ZNF804A: variants seen among roughly 807,000 people sequenced by gnomAD.
The protein encoded by ZNF804A is zinc finger protein 804A.
In ZNF804A, 2 loss-of-function variants were observed where a neutral mutation model predicts 16.5. That is an observed-to-expected ratio of 0.12 (90% CI 0.05 to 0.38). ZNF804A has a LOEUF of 0.38. ZNF804A is among the 10% of genes least tolerant of loss of function. The pLI is 0.99. For missense variants in ZNF804A, 1,473 were observed against 1,390.7 expected, an observed-to-expected ratio of 1.06 and a Z score of -0.94; for synonymous variants, 534 against 489.6, an observed-to-expected ratio of 1.09 and a Z score of -1.20.
intron 1 of ZNF804A, among the ~76,000 whole-genome samples, chr2:184,643,498 A>G (rs1410873448): frequency 6.6e-6 from 1 of 151,972 alleles, no homozygotes; most frequent in Admixed American, 6.6e-5. Context: ...TCTTATTCTT[A>G]CAGTATACCT....
At chr2:184,667,652 C>G (rs1352008741) in intron 1 of ZNF804A, among the ~76,000 whole-genome samples, 1 of 151,690 alleles carries the variant, frequency 6.6e-6, no homozygotes, top group African/African-American at 2.4e-5. Flanking sequence ...GAGTTAACAT[C>G]AAAAATGTAT....
At chr2:184,619,654 C>T (rs562420492) in intron 1 of ZNF804A, among the ~76,000 whole-genome samples, 1 of 151,854 alleles carries the variant, frequency 6.6e-6, no homozygotes, top group African/African-American at 2.4e-5. Context: ...GTTATTACCT[C>T]CATTTTATGG....
chr2:184,867,432 G>A (rs1695892355), intron 2 of ZNF804A, among the ~76,000 whole-genome samples: 1 of 152,028 alleles, frequency 6.6e-6, no homozygotes, highest in Non-Finnish European at 1.5e-5. Flanking sequence ...GAAAAAGTAG[G>A]GAAAGTGATC....
chr2:184,761,994 A>G (rs1694042437), intron 1 of ZNF804A, among the ~76,000 whole-genome samples: 1 of 152,078 alleles, frequency 6.6e-6, no homozygotes, highest in Non-Finnish European at 1.5e-5. Context: ...CATATTCTGT[A>G]GTTTATTACT....
At chr2:184,721,331 T>G (rs899418648) in intron 1 of ZNF804A, among the ~76,000 whole-genome samples, 1 of 152,090 alleles carries the variant, frequency 6.6e-6, no homozygotes, top group East Asian at 1.9e-4. Flanking sequence ...GGGAAAAATA[T>G]GTGCAAACTA....
chr2:184,692,995 T>C (rs544894192), intron 1 of ZNF804A, among the ~76,000 whole-genome samples: 9 of 152,250 alleles, frequency 5.9e-5, no homozygotes, highest in Non-Finnish European at 1.3e-4. Context: ...TAGTAAAATA[T>C]TTTATCCAGT....
chr2:184,871,853 G>T (rs1019206391), intron 2 of ZNF804A, among the ~76,000 whole-genome samples: 1 of 151,938 alleles, frequency 6.6e-6, no homozygotes, highest in South Asian at 2.1e-4. Context: ...TCTTTATCAA[G>T]AATTACTCAG....
intron 1 of ZNF804A, among the ~76,000 whole-genome samples, chr2:184,700,632 A>C (rs557471485): frequency 1.3e-5 from 2 of 152,220 alleles, no homozygotes; most frequent in South Asian, 4.1e-4. Context: ...TGACAAAGAC[A>C]AACTAAAGAC....
chr2:184,881,370 T>C (rs963183127), intron 2 of ZNF804A, among the ~76,000 whole-genome samples: 3 of 147,730 alleles, frequency 2.0e-5, no homozygotes, highest in African/African-American at 7.3e-5. Flanking sequence ...ATGAAAATTT[T>C]CCCAAACTTA....
At chr2:184,679,867 A>G (rs1692508533) in intron 1 of ZNF804A, among the ~76,000 whole-genome samples, 2 of 152,148 alleles carry the variant, frequency 1.3e-5, no homozygotes, top group Admixed American at 1.3e-4. Context: ...CAGGGAGCAG[A>G]TGGGCTCCTG....
chr2:184,788,269 A>T (rs1443498551), intron 1 of ZNF804A, among the ~76,000 whole-genome samples: 1 of 151,942 alleles, frequency 6.6e-6, no homozygotes, highest in African/African-American at 2.4e-5. Context: ...AAGTTAAACA[A>T]TGTGATACCT....
intron 2 of ZNF804A, among the ~76,000 whole-genome samples, chr2:184,878,794 G>A (rs574733765): frequency 1.3e-5 from 2 of 151,872 alleles, no homozygotes; most frequent in East Asian, 3.9e-4. Context: ...TTACCAATGA[G>A]CCCTATTATT....
chr2:184,836,105 T>C (rs1190626474), intron 1 of ZNF804A, among the ~76,000 whole-genome samples: 2 of 152,154 alleles, frequency 1.3e-5, no homozygotes, highest in Non-Finnish European at 2.9e-5. Context: ...TTAATAATAC[T>C]TACTGGATTG....
chr2:184,608,007 G>A (rs1163377169), intron 1 of ZNF804A, among the ~76,000 whole-genome samples: 2 of 140,176 alleles, frequency 1.4e-5, no homozygotes, highest in Non-Finnish European at 3.0e-5. Flanking sequence ...GTGCAGTGGC[G>A]GGATCTCGGC....
In ZNF804A at chr2:184,660,731, G is replaced by T. The variant is rs187458836; in HGVS notation, c.111+61661G>T. ...AAATCTGGAATATGAAGGAGGAATT[G>T]CTACACTTGGGATATCTAGAGAAAA... On this transcript the variant is annotated intron_variant, in intron 1 of 3. Coordinates refer to ENST00000302277, the MANE Select transcript of ZNF804A (RefSeq NM_194250.2). Among the ~76,000 whole-genome samples the T allele has an allele frequency of 3.9e-3, 601 of 152,362 alleles. 3 individuals carry two copies. The highest frequency in any genetic ancestry group is 0.02 in the Middle Eastern group (6 of 294).
intron 1 of ZNF804A, among the ~76,000 whole-genome samples, chr2:184,753,529 C>A (rs1368886426): frequency 6.6e-6 from 1 of 151,764 alleles, no homozygotes. Flanking sequence ...CTAGAATTGC[C>A]TGTCTTGGAT....
intron 1 of ZNF804A, among the ~76,000 whole-genome samples, chr2:184,693,422 TAA>T (rs1692765323): frequency 1.3e-5 from 2 of 152,200 alleles, no homozygotes; most frequent in Non-Finnish European, 2.9e-5. Context: ...CAATCCAAGA[TAA>T]TTTCTACTTA....
intron 1 of ZNF804A, among the ~76,000 whole-genome samples, chr2:184,854,444 A>T (rs1005920723): frequency 1.3e-5 from 2 of 152,032 alleles, no homozygotes; most frequent in African/African-American, 4.8e-5. Context: ...GTGATGCCTC[A>T]TACAGGGTAA....
chr2:184,688,740 T>C (rs959415130), intron 1 of ZNF804A, among the ~76,000 whole-genome samples: 29 of 152,302 alleles, frequency 1.9e-4, no homozygotes, highest in African/African-American at 6.7e-4. Flanking sequence ...AATGTTTCTT[T>C]GTGCTAAAAG....
Sources: allele counts gnomAD v4.1 joint callset (sites outside exome capture counted in the v4.1 genomes callset), GRCh38; gene constraint gnomAD v4.1.1; transcripts MANE v1.5; gene names NCBI Gene and HGNC (gene_info 2026-07-23, HGNC 2026-07-21).